The following DPYD variants were observed in gnomAD, a reference collection of about 807,000 sequenced individuals.
DPYD encodes dihydropyrimidine dehydrogenase [NADP(+)].
Under a neutral mutation model 116.2 loss-of-function variants are expected in DPYD, and 109 were observed. The ratio of observed to expected loss-of-function variants is 0.94; its 90% CI spans 0.80 to 1.10. The LOEUF is 1.10. Among genes scored for constraint, DPYD ranks in the 50% least tolerant of loss-of-function variants. The pLI is 0.00. For synonymous variants in DPYD, 440 were observed against 432.0 expected (o/e 1.02, Z -0.23); for missense variants, 1,302 against 1,254.5 (o/e 1.04, Z -0.57).
At chr1:97,261,714 G>A (rs1009141320) in intron 18 of DPYD, among the ~76,000 whole-genome samples, 2 of 151,882 alleles carry the variant, frequency 1.3e-5, no homozygotes, top group Admixed American at 1.3e-4. Context: ...GGCTAGGCAG[G>A]CATTTGGCAT....
intron 19 of DPYD, among the ~76,000 whole-genome samples, chr1:97,230,569 C>T (rs1476944669): frequency 6.6e-6 from 1 of 152,044 alleles, no homozygotes; most frequent in East Asian, 1.9e-4. Context: ...ATCTCTATAA[C>T]AAACCACATG....
At chr1:97,086,796 G>C (rs1215905764) in intron 21 of DPYD, among the ~76,000 whole-genome samples, 1 of 152,172 alleles carries the variant, frequency 6.6e-6, no homozygotes, top group Non-Finnish European at 1.5e-5. Flanking sequence ...GGTCAGGACT[G>C]TCTGCACTTT....
chr1:97,506,300 C>T (rs1186931225), intron 13 of DPYD, among the ~76,000 whole-genome samples: 3 of 151,694 alleles, frequency 2.0e-5, no homozygotes, highest in African/African-American at 7.3e-5. Context: ...AAAGAAAATA[C>T]AAAGGCAAGG....
chr1:97,875,160 G>A (rs564980008), intron 2 of DPYD, among the ~76,000 whole-genome samples: 8 of 152,002 alleles, frequency 5.3e-5, no homozygotes, highest in African/African-American at 1.7e-4. Flanking sequence ...CATTTTTAGT[G>A]TCAAGAATTG....
At chr1:97,803,061 AT>A (rs1667920624) in intron 3 of DPYD, among the ~76,000 whole-genome samples, 1 of 151,922 alleles carries the variant, frequency 6.6e-6, no homozygotes. Context: ...GTATGAAATT[AT>A]TACAATGAAA....
chr1:97,618,327 T>G (rs1656417590), intron 8 of DPYD, among the ~76,000 whole-genome samples: 1 of 152,210 alleles, frequency 6.6e-6, no homozygotes, highest in South Asian at 2.1e-4. Flanking sequence ...TCCTGACATT[T>G]TATTACTTGA....
intron 13 of DPYD, among the ~76,000 whole-genome samples, chr1:97,469,150 C>T (rs1282477004): frequency 6.6e-6 from 1 of 151,974 alleles, no homozygotes; most frequent in African/African-American, 2.4e-5. Context: ...ATATCCAGCT[C>T]ATTAGGAACA....
intron 14 of DPYD, among the ~76,000 whole-genome samples, chr1:97,421,226 G>A (rs576118151): frequency 9.1e-4 from 139 of 152,256 alleles, no homozygotes; most frequent in African/African-American, 3.2e-3. Context: ...AACCTTAAGA[G>A]TTAATTTTAG....
In DPYD at chr1:97,365,388, T is replaced by C. The variant is rs545001574; in HGVS notation, c.2058+8173A>G. 1.9e-3 allele frequency among the ~76,000 whole-genome samples: 283 copies of C among 152,340 alleles called. 3 individuals carry two copies. Among genetic ancestry groups the C allele is most frequent in the African/African-American group, 5.8e-3 (243 of 41,576 alleles). ...GACATTACATTACCTGAACTCTTCATGAAATCATGAACTAAGACCATAGCC... is the reference window on the plus strand; with the variant it reads ...GACATTACATTACCTGAACTCTTCACGAAATCATGAACTAAGACCATAGCC... On this transcript the variant is annotated intron_variant, in intron 16 of 22. Coordinates refer to ENST00000370192, the MANE Select transcript of DPYD (RefSeq NM_000110.4).
At chr1:97,811,332 A>C (rs1019354693) in intron 3 of DPYD, among the ~76,000 whole-genome samples, 3 of 152,086 alleles carry the variant, frequency 2.0e-5, no homozygotes, top group Non-Finnish European at 2.9e-5. Context: ...CTGTATCTCC[A>C]GTTTCTACTT....
chr1:97,251,201 A>T (rs1663062897), intron 18 of DPYD, among the ~76,000 whole-genome samples: 1 of 152,044 alleles, frequency 6.6e-6, no homozygotes, highest in Non-Finnish European at 1.5e-5. Flanking sequence ...GTTCGAGACC[A>T]GCCTGGCCGA....
intron 3 of DPYD, among the ~76,000 whole-genome samples, chr1:97,822,508 G>A (rs1432193203): frequency 6.6e-6 from 1 of 151,086 alleles, no homozygotes; most frequent in African/African-American, 2.4e-5. Flanking sequence ...TTTGTTCAGG[G>A]TTATATTCCA....
intron 18 of DPYD, among the ~76,000 whole-genome samples, chr1:97,246,117 C>T (rs950564047): frequency 1.3e-5 from 2 of 152,032 alleles, no homozygotes; most frequent in African/African-American, 2.4e-5. Context: ...CTAAAACTGA[C>T]CAGGCACTTT....
At chr1:97,400,106 A>G (rs1673282852) in intron 14 of DPYD, among the ~76,000 whole-genome samples, 1 of 152,102 alleles carries the variant, frequency 6.6e-6, no homozygotes, top group Admixed American at 6.6e-5. Context: ...AGCTCTTATT[A>G]TTTTGAGATA....
At chr1:97,859,928 A>G (rs1427753771) in intron 2 of DPYD, among the ~76,000 whole-genome samples, 1 of 152,158 alleles carries the variant, frequency 6.6e-6, no homozygotes, top group Non-Finnish European at 1.5e-5. Flanking sequence ...TCTAAATATT[A>G]GGCTGGGTGT....
At chr1:97,282,289 GTTC>G (rs1665376933) in intron 18 of DPYD, among the ~76,000 whole-genome samples, 1 of 151,720 alleles carries the variant, frequency 6.6e-6, no homozygotes. Context: ...TTCTAATTTT[GTTC>G]TTTTTTTGAT....
At chr1:97,162,316 T>A (rs774204570) in intron 20 of DPYD, among the ~76,000 whole-genome samples, 3 of 152,044 alleles carry the variant, frequency 2.0e-5, no homozygotes, top group Non-Finnish European at 4.4e-5. Context: ...ATTTCTCTGA[T>A]GCATTCTTAT....
At chr1:97,520,799 A>T (rs960793114) in intron 12 of DPYD, among the ~76,000 whole-genome samples, 3 of 152,166 alleles carry the variant, frequency 2.0e-5, no homozygotes, top group African/African-American at 7.2e-5. Context: ...TGCAAAGCAC[A>T]TGAACTAATC....
At chr1:97,157,225 C>T (rs538465539) in intron 20 of DPYD, among the ~76,000 whole-genome samples, 8 of 151,614 alleles carry the variant, frequency 5.3e-5, no homozygotes, top group African/African-American at 1.7e-4. Context: ...ATGTAACTAA[C>T]CTGCACATTG....
Sources: allele counts gnomAD v4.1 joint callset (sites outside exome capture counted in the v4.1 genomes callset), GRCh38; gene constraint gnomAD v4.1.1; transcripts MANE v1.5; gene names NCBI Gene and HGNC (gene_info 2026-07-23, HGNC 2026-07-21).